SOBP: variants seen among roughly 807,000 people sequenced by gnomAD.
The protein encoded by SOBP is sine oculis binding protein homolog, also known as sine oculis-binding protein homolog.
SOBP carries 4 observed loss-of-function variants against 53.6 expected under a neutral mutation model. That is an observed-to-expected ratio of 0.07 (90% confidence interval 0.04 to 0.17). The LOEUF is 0.17. Among genes scored for constraint, SOBP ranks in the 10% least tolerant of loss-of-function variants. SOBP has a pLI of 1.00. For missense variants in SOBP, 1,088 were observed against 1,204.7 expected, an observed-to-expected ratio of 0.90 and a Z score of 1.43; for synonymous variants, 584 against 522.6, an observed-to-expected ratio of 1.12 and a Z score of -1.60.
In SOBP at chr6:107,658,264, G is replaced by C. The variant is rs1350721600; in HGVS notation, c.*61G>C. Reference sequence around the variant, plus strand: ...GAGGGCGCAGAGCAAACCATGTCACGCCATCCAATGACACCAGCTGGTCAG... The same window carrying C: ...GAGGGCGCAGAGCAAACCATGTCACCCCATCCAATGACACCAGCTGGTCAG... On this transcript the variant is annotated 3_prime_UTR_variant, in exon 7 of 7. Coordinates refer to ENST00000317357, the MANE Select transcript of SOBP (RefSeq NM_018013.4). The C allele has an allele frequency of 6.5e-6, 1 of 152,678 alleles. No individual in the cohort carries two copies. Among genetic ancestry groups the C allele is most frequent in the African/African-American group, 2.4e-5 (1 of 41,414 alleles). The allele number at this position is 152,678 out of a possible 1,614,324, so 9.5% of individuals were successfully genotyped here.
At chr6:107,547,750 T>G (rs1490139434) in intron 4 of SOBP, among the ~76,000 whole-genome samples, 4 of 152,174 alleles carry the variant, frequency 2.6e-5, no homozygotes, top group African/African-American at 9.7e-5. Context: ...AGTACATACA[T>G]TAATCCACGG....
At chr6:107,501,900 C>T (rs1013278670) in intron 1 of SOBP, among the ~76,000 whole-genome samples, 1 of 152,186 alleles carries the variant, frequency 6.6e-6, no homozygotes, top group Non-Finnish European at 1.5e-5. Flanking sequence ...GACCAGCCAT[C>T]AGAGAGAATA....
chr6:107,543,677 G>A (rs1002440632), intron 4 of SOBP, among the ~76,000 whole-genome samples: 20 of 152,294 alleles, frequency 1.3e-4, no homozygotes, highest in Non-Finnish European at 1.9e-4. Flanking sequence ...GATCTCCTGA[G>A]GTTAATTCAT....
At chr6:107,651,079 A>G (rs770976821) in intron 6 of SOBP, among the ~76,000 whole-genome samples, 5 of 152,154 alleles carry the variant, frequency 3.3e-5, no homozygotes, top group Non-Finnish European at 7.3e-5. Context: ...TAGCCTGGGA[A>G]ACATGGCAAA....
intron 4 of SOBP, among the ~76,000 whole-genome samples, chr6:107,552,424 A>C (rs2115013405): frequency 6.6e-6 from 1 of 152,310 alleles, no homozygotes; most frequent in South Asian, 2.1e-4. Context: ...GAAGCAAAGG[A>C]AGTCAGAGGT....
chr6:107,568,635 G>A (rs1425901919), intron 4 of SOBP, among the ~76,000 whole-genome samples: 1 of 152,210 alleles, frequency 6.6e-6, no homozygotes, highest in Non-Finnish European at 1.5e-5. Context: ...GAGATGTGTT[G>A]AATGAGAAGG....
chr6:107,657,090 TG>T (rs1469160381), intron 6 of SOBP, among the ~76,000 whole-genome samples: 1 of 152,234 alleles, frequency 6.6e-6, no homozygotes, highest in Non-Finnish European at 1.5e-5. Context: ...AGCTACGAGT[TG>T]GGTGTAGAGA....
At chr6:107,534,488 G>A (rs565349303) in intron 4 of SOBP, among the ~76,000 whole-genome samples, 4 of 152,214 alleles carry the variant, frequency 2.6e-5, no homozygotes, top group African/African-American at 7.2e-5. Flanking sequence ...TCCACATTTT[G>A]TTGTTTCCAT....
chr6:107,604,349 A>T (rs1786289672), intron 5 of SOBP, among the ~76,000 whole-genome samples: 1 of 152,188 alleles, frequency 6.6e-6, no homozygotes. Flanking sequence ...TTGTTAGTGG[A>T]TACAGCAGCC....
At chr6:107,606,475 C>T (rs941448179) in intron 5 of SOBP, among the ~76,000 whole-genome samples, 1 of 152,142 alleles carries the variant, frequency 6.6e-6, no homozygotes, top group Non-Finnish European at 1.5e-5. Context: ...AGCAGGGATG[C>T]AGCATTCAAG....
At chr6:107,625,503 G>C (rs1310603251) in intron 5 of SOBP, among the ~76,000 whole-genome samples, 1 of 152,246 alleles carries the variant, frequency 6.6e-6, no homozygotes, top group Non-Finnish European at 1.5e-5. Flanking sequence ...AAAGCAGCCA[G>C]AAAGTGGGCT....
At chr6:107,512,953 A>G (rs1227083645) in intron 3 of SOBP, among the ~76,000 whole-genome samples, 2 of 152,208 alleles carry the variant, frequency 1.3e-5, no homozygotes, top group Non-Finnish European at 2.9e-5. Flanking sequence ...ATACTTTAAA[A>G]TGAAATGAAA....
chr6:107,657,996 A>C (rs534452824), intron 6 of SOBP, among the ~76,000 whole-genome samples: 3 of 152,260 alleles, frequency 2.0e-5, no homozygotes, highest in African/African-American at 7.2e-5. Context: ...ATTTCCTCAC[A>C]CAAAGCTGGC....
intron 4 of SOBP, among the ~76,000 whole-genome samples, chr6:107,555,687 C>T (rs571254522): frequency 1.3e-5 from 2 of 152,306 alleles, no homozygotes; most frequent in South Asian, 2.1e-4. Flanking sequence ...CCACAGAAAC[C>T]CAGCAGAGAC....
chr6:107,612,752 C>T (rs966598804), intron 5 of SOBP, among the ~76,000 whole-genome samples: 1 of 152,190 alleles, frequency 6.6e-6, no homozygotes. Context: ...TAATTCCTCA[C>T]TCCCTCCAAT....
intron 5 of SOBP, among the ~76,000 whole-genome samples, chr6:107,602,338 C>T (rs1786211029): frequency 6.6e-6 from 1 of 152,186 alleles, no homozygotes; most frequent in South Asian, 2.1e-4. Flanking sequence ...CGAGCAGTGT[C>T]TCCTGAATCA....
chr6:107,494,888 G>C, intron 1 of SOBP, among the ~76,000 whole-genome samples: 1 of 152,094 alleles, frequency 6.6e-6, no homozygotes, highest in Admixed American at 6.6e-5. Context: ...AAAATAACCT[G>C]TGTCAATTGC....
intron 5 of SOBP, among the ~76,000 whole-genome samples, chr6:107,591,265 A>C (rs1243827539): frequency 6.6e-6 from 1 of 152,234 alleles, no homozygotes; most frequent in Non-Finnish European, 1.5e-5. Context: ...ATAAGGATAG[A>C]AAATGATGAC....
intron 3 of SOBP, among the ~76,000 whole-genome samples, chr6:107,510,370 A>G (rs1330425694): frequency 6.6e-6 from 1 of 152,200 alleles, no homozygotes; most frequent in African/African-American, 2.4e-5. Flanking sequence ...GAGGTGCAGT[A>G]TGTATTTCAA....
Sources: allele counts gnomAD v4.1 joint callset (sites outside exome capture counted in the v4.1 genomes callset), GRCh38; gene constraint gnomAD v4.1.1; transcripts MANE v1.5; gene names NCBI Gene and HGNC (gene_info 2026-07-23, HGNC 2026-07-21).